The following GPHN variants were observed in gnomAD, a reference collection of about 807,000 sequenced individuals.
GPHN encodes gephyrin.
Under a neutral mutation model 95.5 loss-of-function variants are expected in GPHN, and 17 were observed. That is an observed-to-expected ratio of 0.18 (90% CI 0.12 to 0.27). The LOEUF is 0.27. GPHN is among the 10% of genes least tolerant of loss of function. The pLI, the probability that GPHN is intolerant of heterozygous loss-of-function variation, is 1.00. For synonymous variants in GPHN, 320 were observed against 322.5 expected (o/e 0.99, Z 0.08); for missense variants, 660 against 978.1 (o/e 0.67, Z 4.34).
the GPHN span, among the ~76,000 whole-genome samples, chr14:67,508,662 C>A: frequency 1.8e-4 from 27 of 147,836 alleles, no homozygotes; most frequent in African/African-American, 6.7e-4. Context: ...TAGAGGATCC[C>A]TTGAGCCCAG....
chr14:67,452,303 G>A, the GPHN span, among the ~76,000 whole-genome samples: 5 of 149,876 alleles, frequency 3.3e-5, no homozygotes, highest in African/African-American at 1.2e-4. Context: ...AGCCTGCTGG[G>A]TGACAGAGTG....
At chr14:67,729,294 T>C in the GPHN span, 1 of 1,603,612 alleles carries the variant, frequency 6.2e-7, no homozygotes. Flanking sequence ...TCTCCCCCTT[T>C]GTCAAGACGG....
At chr14:67,225,615 CT>C in the GPHN span, among the ~76,000 whole-genome samples, 2,997 of 152,180 alleles carry the variant, frequency 0.02, 40 homozygotes, top group Middle Eastern at 0.034. Flanking sequence ...ATCAAGACCT[CT>C]TTTTTTTCAT....
the GPHN span, chr14:67,383,810 C>A: frequency 3.6e-6 from 1 of 279,292 alleles, no homozygotes; most frequent in Non-Finnish European, 7.1e-6. Context: ...CCCAATCTTT[C>A]TATATAAAAT....
intron 9 of GPHN, among the ~76,000 whole-genome samples, chr14:67,003,739 G>A (rs2072406692): frequency 6.6e-6 from 1 of 151,682 alleles, no homozygotes; most frequent in Non-Finnish European, 1.5e-5. Flanking sequence ...ATTAGTCCTA[G>A]ATTACTTCTT....
intron 8 of GPHN, among the ~76,000 whole-genome samples, chr14:66,958,968 G>T (rs1462557391): frequency 6.6e-6 from 1 of 151,504 alleles, no homozygotes; most frequent in Non-Finnish European, 1.5e-5. Context: ...GATTCTCCTT[G>T]CTACTTTTAC....
At chr14:66,900,936 C>T (rs1283184666) in intron 5 of GPHN, among the ~76,000 whole-genome samples, 3 of 151,970 alleles carry the variant, frequency 2.0e-5, no homozygotes, top group Non-Finnish European at 4.4e-5. Flanking sequence ...TATGGTAATT[C>T]TATTTCTAGT....
rs551387154 is a variant in GPHN at position 67,181,657 on chromosome 14, A to C, written c.*720A>C. ...AACAAAAAAATAAAATCAAAGACTG[A>C]TCTTGTACAGATATTAGTGTTACCA... On this transcript the variant is annotated 3_prime_UTR_variant, in exon 23 of 23. Transcript: ENST00000478722. 2 of 277,386 alleles carry C rather than the reference A, an allele frequency of 7.2e-6. No homozygotes were observed. Among genetic ancestry groups the C allele is most frequent in the East Asian group, 1.3e-4 (2 of 14,890 alleles). 17.2% of individuals were successfully genotyped at this position (277,386 alleles called of 1,614,324 possible). A position where few individuals can be genotyped will look rare whatever the true frequency, so the allele number is the denominator to read the frequency against.
the GPHN span, among the ~76,000 whole-genome samples, chr14:67,475,046 G>C: frequency 6.6e-6 from 1 of 151,580 alleles, no homozygotes; most frequent in East Asian, 1.9e-4. Flanking sequence ...CTCCTGAGTA[G>C]CTGGGACTAC....
intron 18 of GPHN, among the ~76,000 whole-genome samples, chr14:67,149,621 C>G (rs1391005972): frequency 6.6e-6 from 1 of 152,154 alleles, no homozygotes; most frequent in African/African-American, 2.4e-5. Context: ...TATAGTTATA[C>G]TTCTCTGTCA....
intron 1 of GPHN, among the ~76,000 whole-genome samples, chr14:66,650,019 A>G (rs182710974): frequency 3.3e-5 from 5 of 152,076 alleles, no homozygotes; most frequent in Non-Finnish European, 7.4e-5. Context: ...AAAGCCAAAC[A>G]TCACTGGAGA....
intron 1 of GPHN, among the ~76,000 whole-genome samples, chr14:66,520,557 G>C (rs1396667389): frequency 6.6e-6 from 1 of 152,092 alleles, no homozygotes; most frequent in Admixed American, 6.6e-5. Flanking sequence ...CTCCATTTCA[G>C]TGCTCTGTTT....
chr14:67,392,824 G>A, the GPHN span: 1 of 1,613,038 alleles, frequency 6.2e-7, no homozygotes, highest in Non-Finnish European at 8.5e-7. Flanking sequence ...AGCTGTTGGA[G>A]ATGAGCCAGT....
At chr14:67,491,694 C>CAGTT in the GPHN span, among the ~76,000 whole-genome samples, 7 of 152,332 alleles carry the variant, frequency 4.6e-5, no homozygotes, top group Admixed American at 4.6e-4. Flanking sequence ...TCAAAGCCCC[C>CAGTT]AGTTCTTCTC....
At chr14:67,483,668 A>C in the GPHN span, among the ~76,000 whole-genome samples, 185 of 152,336 alleles carry the variant, frequency 1.2e-3, no homozygotes, top group African/African-American at 4.2e-3. Flanking sequence ...CTCAGGCCCC[A>C]AGGCATGCGC....
the GPHN span, chr14:67,503,429 G>T: frequency 1.3e-5 from 2 of 152,350 alleles, no homozygotes; most frequent in South Asian, 2.1e-4. Context: ...AGATACGTTT[G>T]GAAAAGCGTG....
chr14:67,644,984 C>T, the GPHN span, among the ~76,000 whole-genome samples: 6 of 143,870 alleles, frequency 4.2e-5, no homozygotes, highest in South Asian at 4.4e-4. Context: ...GGAAACAGAG[C>T]GAGACTCCGT....
intron 2 of GPHN, among the ~76,000 whole-genome samples, chr14:66,734,106 G>T (rs1169218215): frequency 6.6e-6 from 1 of 151,988 alleles, no homozygotes; most frequent in East Asian, 1.9e-4. Context: ...TTCCATTCCT[G>T]TCATCCTTTA....
At chr14:66,585,542 C>T (rs1204175756) in intron 1 of GPHN, among the ~76,000 whole-genome samples, 3 of 152,022 alleles carry the variant, frequency 2.0e-5, no homozygotes, top group South Asian at 2.1e-4. Context: ...ATAAATTTCC[C>T]TCTACACACT....
Sources: allele counts gnomAD v4.1 joint callset (sites outside exome capture counted in the v4.1 genomes callset), GRCh38; gene constraint gnomAD v4.1.1; transcripts MANE v1.5; gene names NCBI Gene and HGNC (gene_info 2026-07-23, HGNC 2026-07-21).